Variants in VRK2 observed in about 807,000 individuals in gnomAD.
VRK2 encodes serine/threonine-protein kinase VRK2.
Under a neutral mutation model 57.6 loss-of-function variants are expected in VRK2, and 60 were observed. The ratio of observed to expected loss-of-function variants is 1.04; its 90% CI spans 0.85 to 1.29. VRK2 has a LOEUF of 1.29. Among genes scored for constraint, VRK2 ranks in the 50% most tolerant of loss-of-function variants. The pLI is 0.00. For missense variants in VRK2, 705 were observed against 588.1 expected (o/e 1.20, Z -2.06); for synonymous variants, 231 against 199.2 (o/e 1.16, Z -1.35).
At chr2:58,000,497 C>T (rs1226897029) in intron 1 of VRK2, among the ~76,000 whole-genome samples, 1 of 152,158 alleles carries the variant, frequency 6.6e-6, no homozygotes, top group Non-Finnish European at 1.5e-5. Context: ...GGCATTATAA[C>T]TAGATCATTT....
intron 1 of VRK2, among the ~76,000 whole-genome samples, chr2:57,981,119 C>T (rs1672411356): frequency 6.6e-6 from 1 of 152,152 alleles, no homozygotes; most frequent in Admixed American, 6.5e-5. Flanking sequence ...TGTATAGTTG[C>T]TTTATAATGT....
intron 2 of VRK2, among the ~76,000 whole-genome samples, chr2:58,078,762 GT>G (rs1200634822): frequency 4.6e-5 from 7 of 152,130 alleles, no homozygotes; most frequent in Admixed American, 2.0e-4. Context: ...CTAATGATTA[GT>G]GGTGTTGAGC....
chr2:58,046,581 T>C (rs1674772545), upstream of VRK2: 2 of 985,586 alleles, frequency 2.0e-6, no homozygotes, highest in Non-Finnish European at 1.2e-6. Flanking sequence ...GTGGAGGTAG[T>C]AACACAGCTC....
rs115718107 is a variant in VRK2 at position 58,155,946 on chromosome 2, A to C, written c.1183-3403A>C. On this transcript the variant is annotated intron_variant, in intron 12 of 12. Transcript: ENST00000340157. ...GTTTTTTTTTTTTTCCAGTCTGTGC[A>C]TATTGCTGTTTCCAGAACGCAGGCT... Among the ~76,000 whole-genome samples, 571 of 148,870 alleles carry C rather than the reference A, an allele frequency of 3.8e-3. 2 individuals carry two copies. Among genetic ancestry groups the C allele is most frequent in the Non-Finnish European group, 5.9e-3 (399 of 67,594 alleles).
intron 1 of VRK2, among the ~76,000 whole-genome samples, chr2:58,009,906 G>C (rs1673367010): frequency 6.6e-6 from 1 of 151,818 alleles, no homozygotes; most frequent in African/African-American, 2.4e-5. Context: ...AGGCCTATAG[G>C]TTGTAAATTG....
intron 1 of VRK2, among the ~76,000 whole-genome samples, chr2:57,930,909 C>A (rs1026004956): frequency 2.6e-5 from 4 of 152,070 alleles, no homozygotes; most frequent in Non-Finnish European, 4.4e-5. Context: ...TATATTTTTG[C>A]AAATGAGAGG....
chr2:57,960,643 C>G (rs1671729792), intron 1 of VRK2, among the ~76,000 whole-genome samples: 1 of 152,198 alleles, frequency 6.6e-6, no homozygotes, highest in South Asian at 2.1e-4. Context: ...GAACAGTGAA[C>G]TCCCACACAC....
At chr2:57,951,185 CA>C (rs1430830186) in intron 1 of VRK2, among the ~76,000 whole-genome samples, 1 of 152,050 alleles carries the variant, frequency 6.6e-6, no homozygotes, top group East Asian at 1.9e-4. Context: ...AAAGTTGATC[CA>C]ATCCTCATTA....
intron 2 of VRK2, among the ~76,000 whole-genome samples, chr2:58,080,073 A>G (rs921831047): frequency 3.9e-5 from 6 of 152,022 alleles, no homozygotes; most frequent in Non-Finnish European, 8.8e-5. Context: ...CTTGGAACAC[A>G]TCTGAATAAA....
At chr2:58,132,753 C>G (rs1006278764) in intron 9 of VRK2, among the ~76,000 whole-genome samples, 8 of 152,110 alleles carry the variant, frequency 5.3e-5, no homozygotes, top group African/African-American at 1.9e-4. Flanking sequence ...TCTTTAAATT[C>G]AGTGTGGCAT....
intron 1 of VRK2, among the ~76,000 whole-genome samples, chr2:57,949,120 G>A (rs1295364105): frequency 6.6e-6 from 1 of 152,068 alleles, no homozygotes; most frequent in Non-Finnish European, 1.5e-5. Context: ...TAGACAATCA[G>A]CAAATTGAGA....
chr2:57,959,191 A>G (rs1671678960), intron 1 of VRK2, among the ~76,000 whole-genome samples: 1 of 152,204 alleles, frequency 6.6e-6, no homozygotes, highest in African/African-American at 2.4e-5. Flanking sequence ...GAGTTCATAC[A>G]ATTAGTCCAG....
At position 58,004,345 on chromosome 2, in the gene VRK2, T is replaced by A. The variant is rs79222618; in HGVS notation, c.-438-21320T>A. On this transcript the variant is annotated intron_variant, in intron 1 of 15. Coordinates refer to the VRK2 transcript ENST00000417641. ...TATGATTTGTATGACTTTTCTAAAATGTATTACTGAGTGGTTCAGTGACTA... is the reference window on the plus strand; with the variant it reads ...TATGATTTGTATGACTTTTCTAAAAAGTATTACTGAGTGGTTCAGTGACTA... Among the ~76,000 whole-genome samples, 685 of 152,282 alleles carry A rather than the reference T, an allele frequency of 4.5e-3. 6 individuals are homozygous for A. Among genetic ancestry groups the A allele is most frequent in the African/African-American group, 0.016 (652 of 41,574 alleles).
At chr2:58,144,529 A>G (rs548707963) in intron 11 of VRK2, among the ~76,000 whole-genome samples, 12 of 152,134 alleles carry the variant, frequency 7.9e-5, no homozygotes, top group African/African-American at 2.9e-4. Context: ...ACATATCTCA[A>G]TAAAGCTGGG....
chr2:58,142,458 T>C (rs1681488592), intron 11 of VRK2, among the ~76,000 whole-genome samples: 1 of 151,902 alleles, frequency 6.6e-6, no homozygotes, highest in African/African-American at 2.4e-5. Flanking sequence ...AGTAGTGATA[T>C]TGATATTTTT....
At position 58,048,839 on chromosome 2, in the gene VRK2, C is replaced by CA; in HGVS notation, c.13dup (p.Arg5LysfsTer3). ...CTTCTGCCAACAGAAGTGATGCCAC[C>CA]AAAAAGAAATGAAAAATACAAACTT... On this transcript the variant is annotated frameshift_variant, in exon 2 of 13. Coordinates refer to ENST00000340157, the MANE Select transcript of VRK2 (RefSeq NM_006296.7). LOFTEE classifies it high-confidence loss of function. The CA allele has an allele frequency of 1.2e-6, 2 of 1,613,254 alleles. No individual in the cohort carries two copies. The highest frequency in any genetic ancestry group is 1.7e-6 in the Non-Finnish European group (2 of 1,179,638).
chr2:57,985,120 G>A (rs1672555608), intron 1 of VRK2, among the ~76,000 whole-genome samples: 1 of 151,940 alleles, frequency 6.6e-6, no homozygotes, highest in African/African-American at 2.4e-5. Context: ...GATGGATAGA[G>A]TGATAAATAG....
At chr2:58,159,215 C>G (rs1291333280) in intron 12 of VRK2, 134 bp from the exon 13 acceptor site, 1 of 633,722 alleles carries the variant, frequency 1.6e-6, no homozygotes, top group Non-Finnish European at 2.6e-6. Context: ...CTAAAAATTA[C>G]TTCTCAGGAA....
intron 2 of VRK2, among the ~76,000 whole-genome samples, chr2:58,073,464 C>A (rs1234203994): frequency 6.6e-6 from 1 of 151,724 alleles, no homozygotes; most frequent in Non-Finnish European, 1.5e-5. Flanking sequence ...TCTTAGTTTT[C>A]ACCTCATGTA....
Sources: gnomAD v4.1 joint callset for allele counts (sites outside exome capture counted in the v4.1 genomes callset) on GRCh38, gnomAD v4.1.1 for gene constraint, MANE v1.5 for transcripts, NCBI Gene and HGNC (gene_info 2026-07-23, HGNC 2026-07-21) for gene names.